The following VEGFC variants were observed in gnomAD, a reference collection of about 807,000 sequenced individuals.
VEGFC encodes the protein FLT4 ligand DHM.
In VEGFC, 12 loss-of-function variants were observed where a neutral mutation model predicts 46.1. That is an observed-to-expected ratio of 0.26 (90% CI 0.17 to 0.42). The LOEUF (loss-of-function observed/expected upper bound fraction) is 0.42. VEGFC is among the 10% of genes least tolerant of loss of function. The pLI, the probability that VEGFC is intolerant of heterozygous loss-of-function variation, is 1.00. For missense variants in VEGFC, 488 were observed against 529.4 expected (o/e 0.92, Z 0.77); for synonymous variants, 232 against 195.5 (o/e 1.19, Z -1.56).
chr4:176,760,519 C>T (rs569654650), intron 1 of VEGFC, among the ~76,000 whole-genome samples: 20 of 152,116 alleles, frequency 1.3e-4, no homozygotes, highest in Non-Finnish European at 2.2e-4. Context: ...AAATATTTAT[C>T]AGCCCTGTAA....
chr4:176,704,444 T>C (rs1166083444), intron 4 of VEGFC, among the ~76,000 whole-genome samples: 2 of 152,132 alleles, frequency 1.3e-5, no homozygotes, highest in African/African-American at 4.8e-5. Flanking sequence ...GTGCTCCTTG[T>C]CTTTTGAATG....
At chr4:176,707,779 T>C (rs926791618) in intron 4 of VEGFC, among the ~76,000 whole-genome samples, 4 of 151,948 alleles carry the variant, frequency 2.6e-5, no homozygotes, top group Admixed American at 2.6e-4. Flanking sequence ...TATGAAATTA[T>C]GGTGACTAGA....
intron 1 of VEGFC, among the ~76,000 whole-genome samples, chr4:176,753,970 T>C (rs1320815311): frequency 2.0e-5 from 3 of 152,088 alleles, no homozygotes; most frequent in East Asian, 1.9e-4. Flanking sequence ...GCCTAGGTTA[T>C]TCAAATTAAT....
intron 3 of VEGFC, among the ~76,000 whole-genome samples, chr4:176,716,602 A>G (rs1734704146): frequency 6.7e-6 from 1 of 150,008 alleles, no homozygotes; most frequent in East Asian, 1.9e-4. Flanking sequence ...AAAAAAAAAA[A>G]AAAAGAAAAA....
intron 1 of VEGFC, among the ~76,000 whole-genome samples, chr4:176,731,247 CA>C (rs937314476): frequency 2.6e-5 from 4 of 151,690 alleles, no homozygotes; most frequent in South Asian, 2.1e-4. Flanking sequence ...AAATATTTGC[CA>C]AAAAAACTCA....
intron 1 of VEGFC, among the ~76,000 whole-genome samples, chr4:176,767,532 T>G (rs1227116800): frequency 2.6e-5 from 4 of 152,188 alleles, no homozygotes; most frequent in African/African-American, 9.6e-5. Context: ...ACCTTGCCCC[T>G]GCAGGACTAG....
intron 1 of VEGFC, among the ~76,000 whole-genome samples, chr4:176,762,672 G>T (rs1735551216): frequency 2.0e-5 from 3 of 152,132 alleles, no homozygotes; most frequent in African/African-American, 7.2e-5. Flanking sequence ...GCACACATAT[G>T]TACTTCCATA....
Position 176,792,367 on chromosome 4 carries a change from G to C in VEGFC, c.-56C>G. ...CGCTGGCGGGGGCAGGGGTGGGGGCGCGGGCGCCCCTGCGAGGCCGCGGGC... is the reference window on the plus strand; with the variant it reads ...CGCTGGCGGGGGCAGGGGTGGGGGCCCGGGCGCCCCTGCGAGGCCGCGGGC... On this transcript the variant is annotated 5_prime_UTR_variant, in exon 1 of 7. Coordinates refer to ENST00000618562, the MANE Select transcript of VEGFC (RefSeq NM_005429.5). The surrounding 1 kb of genome is among the most constrained non-coding windows in gnomAD (Gnocchi z 6.3). 1 of 1,351,278 alleles carries C rather than the reference G, an allele frequency of 7.4e-7. No individual in the cohort carries two copies. The highest frequency in any genetic ancestry group is 9.6e-7 in the Non-Finnish European group (1 of 1,039,248). 83.7% of individuals were successfully genotyped at this position (1,351,278 alleles called of 1,614,324 possible).
At chr4:176,737,238 A>T (rs564486333) in intron 1 of VEGFC, among the ~76,000 whole-genome samples, 1 of 147,764 alleles carries the variant, frequency 6.8e-6, no homozygotes, top group Non-Finnish European at 1.5e-5. Context: ...TTCTATATTT[A>T]TTAACATTAA....
At chr4:176,774,721 A>G (rs1735785316) in intron 1 of VEGFC, among the ~76,000 whole-genome samples, 1 of 151,778 alleles carries the variant, frequency 6.6e-6, no homozygotes, top group South Asian at 2.1e-4. Flanking sequence ...TATGCTTGTT[A>G]GTGGGTGCAG....
Position 176,792,208 on chromosome 4 carries a change from C to T in VEGFC, c.104G>A (p.Gly35Glu). The change falls in exon 1 of 7, where the codon GGA (glycine) becomes GAA (glutamate). Residue 35 changes from glycine to glutamate, a missense_variant. Physicochemically the swap from Gly to Glu is moderately conservative, Grantham distance 98 (BLOSUM62 -2). Coordinates refer to ENST00000618562, the MANE Select transcript of VEGFC (RefSeq NM_005429.5). This position sits in a 1 kb window ranked among gnomAD's most constrained non-coding sequence, Gnocchi z 6.3. ...APAAAAAFESGLDLSDAEPDA... is the reference protein window; with the variant it reads ...APAAAAAFESELDLSDAEPDA... ...GGGCTCCGCGTCCGAGAGGTCGAGT[C>T]CGGACTCGAAGGCGGCGGCGGCGGC... 6.4e-7 allele frequency: 1 copy of T among 1,559,806 alleles called. No homozygotes were observed. Among genetic ancestry groups the T allele is most frequent in the Non-Finnish European group, 8.7e-7 (1 of 1,156,022 alleles).
intron 4 of VEGFC, among the ~76,000 whole-genome samples, chr4:176,703,685 C>T (rs547821204): frequency 6.6e-6 from 1 of 152,036 alleles, no homozygotes; most frequent in Admixed American, 6.6e-5. Context: ...CCAAAATATC[C>T]TGAGCTGACC....
intron 4 of VEGFC, among the ~76,000 whole-genome samples, chr4:176,699,844 G>T (rs1470629151): frequency 6.6e-6 from 1 of 152,110 alleles, no homozygotes; most frequent in African/African-American, 2.4e-5. Flanking sequence ...TGTTAAAAAG[G>T]CACATGCTTA....
chr4:176,776,753 T>C (rs955696025), intron 1 of VEGFC, among the ~76,000 whole-genome samples: 3 of 152,248 alleles, frequency 2.0e-5, no homozygotes, highest in African/African-American at 7.2e-5. Context: ...CAAAGATTTA[T>C]GGCAAAAATA....
intron 1 of VEGFC, among the ~76,000 whole-genome samples, chr4:176,739,784 A>G (rs1272242065): frequency 6.6e-6 from 1 of 151,496 alleles, no homozygotes; most frequent in Non-Finnish European, 1.5e-5. Flanking sequence ...AAATCAAAGA[A>G]TAAGATGCTA....
chr4:176,750,310 T>C (rs1030238949), intron 1 of VEGFC, among the ~76,000 whole-genome samples: 1 of 151,762 alleles, frequency 6.6e-6, no homozygotes, highest in Non-Finnish European at 1.5e-5. Flanking sequence ...ATATTAGTGA[T>C]AATCAAATTA....
chr4:176,764,681 C>T (rs1735585959), intron 1 of VEGFC, among the ~76,000 whole-genome samples: 1 of 152,164 alleles, frequency 6.6e-6, no homozygotes, highest in Admixed American at 6.5e-5. Context: ...GACTGATACA[C>T]ACAGGCTTCA....
At chr4:176,766,791 C>T (rs1268310998) in intron 1 of VEGFC, among the ~76,000 whole-genome samples, 1 of 151,866 alleles carries the variant, frequency 6.6e-6, no homozygotes, top group Non-Finnish European at 1.5e-5. Context: ...TTAAAAATAA[C>T]TAGTCTTGAT....
chr4:176,760,690 A>G (rs1390402901), intron 1 of VEGFC, among the ~76,000 whole-genome samples: 1 of 152,200 alleles, frequency 6.6e-6, no homozygotes, highest in Non-Finnish European at 1.5e-5. Context: ...ACACAGAATG[A>G]AAGACTTAGC....
Sources: gnomAD v4.1 joint callset for allele counts (sites outside exome capture counted in the v4.1 genomes callset) on GRCh38, gnomAD v4.1.1 for gene constraint, Gnocchi (gnomAD v3.1) non-coding constraint, MANE v1.5 for transcripts, NCBI Gene and HGNC (gene_info 2026-07-23, HGNC 2026-07-21) for gene names.